Variants in ASS1 observed in about 807,000 individuals in gnomAD.
ASS1 encodes the protein argininosuccinate synthase.
ASS1 carries 58 observed loss-of-function variants against 60.5 expected under a neutral mutation model. The ratio of observed to expected loss-of-function variants is 0.96; its 90% CI spans 0.78 to 1.19. The LOEUF (loss-of-function observed/expected upper bound fraction) is 1.19. Ranked by LOEUF, ASS1 falls within the 50% of genes most tolerant of loss-of-function variation. ASS1 has a pLI of 0.00. For missense variants in ASS1, 454 were observed against 547.3 expected, an observed-to-expected ratio of 0.83 and a Z score of 1.70; for synonymous variants, 200 against 206.9, an observed-to-expected ratio of 0.97 and a Z score of 0.29.
At chr9:130,483,849 A>G (rs1846233879) in intron 11 of ASS1, among the ~76,000 whole-genome samples, 1 of 105,426 alleles carries the variant, frequency 9.5e-6, no homozygotes, top group Admixed American at 9.5e-5. Context: ...CTCTTTGCAC[A>G]TCCTCCTCCC....
intron 11 of ASS1, among the ~76,000 whole-genome samples, chr9:130,487,319 T>C (rs1306267201): frequency 1.3e-5 from 2 of 151,970 alleles, no homozygotes; most frequent in African/African-American, 2.4e-5. Context: ...AGGAAACTTC[T>C]GGTTAGTGCA....
intron 1 of ASS1, among the ~76,000 whole-genome samples, chr9:130,446,445 G>A (rs1369058658): frequency 2.0e-5 from 3 of 152,160 alleles, no homozygotes; most frequent in Admixed American, 6.5e-5. Flanking sequence ...GGGTGGGGGC[G>A]GGACCCTGTC....
intron 8 of ASS1, among the ~76,000 whole-genome samples, chr9:130,475,767 G>A (rs561300191): frequency 4.7e-5 from 7 of 149,130 alleles, no homozygotes; most frequent in Non-Finnish European, 1.0e-4. Flanking sequence ...TTTTTGGTGG[G>A]GGGGTGGGGG....
Position 130,496,945 on chromosome 9 carries a change from C to T in ASS1, c.1127+1922C>T, listed in dbSNP as rs80355335. Reference sequence around the variant, plus strand: ...TGGAGGCTGGTTGGGAATTAAAGTACGAGTCTTGTTTGGCAGTCAATATTA... The same window carrying T: ...TGGAGGCTGGTTGGGAATTAAAGTATGAGTCTTGTTTGGCAGTCAATATTA... On this transcript the variant is annotated intron_variant, in intron 13 of 14. Transcript: ENST00000352480. 5.6e-3 allele frequency among the ~76,000 whole-genome samples: 857 copies of T among 152,364 alleles called. 10 individuals carry two copies. The highest frequency in any genetic ancestry group is 0.019 in the African/African-American group (798 of 41,598).
chr9:130,489,281 C>T lies in ASS1; in HGVS notation c.839-52C>T. On this transcript the variant is annotated intron_variant, in intron 11 of 14. Coordinates refer to ENST00000352480, the MANE Select transcript of ASS1 (RefSeq NM_054012.4). This position sits in a 1 kb window ranked among gnomAD's most constrained non-coding sequence, Gnocchi z 4.1. ...TGTCATTTGCTGACAGTTTGGGTTTCATGCGTTTCTCTCTTTTTTCTCCTT... is the reference window on the plus strand; with the variant it reads ...TGTCATTTGCTGACAGTTTGGGTTTTATGCGTTTCTCTCTTTTTTCTCCTT... The T allele has an allele frequency of 1.2e-6, 2 of 1,603,494 alleles. No homozygotes were observed. The highest frequency in any genetic ancestry group is 1.7e-6 in the Non-Finnish European group (2 of 1,174,290).
rs1413217526 is a variant in ASS1, at chr9:130,477,719, TTTCAGGAGGCTGGAGTGATCAGGG to T, written c.688+759_688+782del. Among the ~76,000 whole-genome samples the T allele has an allele frequency of 6.6e-6, 1 of 152,086 alleles. No homozygotes were observed. The highest frequency in any genetic ancestry group is 1.5e-5 in the Non-Finnish European group (1 of 67,996). On this transcript the variant is annotated intron_variant, in intron 9 of 14. Transcript: ENST00000352480. This position sits in a 1 kb window ranked among gnomAD's most constrained non-coding sequence, Gnocchi z 4.2. ...GCTCAGAGGGCCTGAAGGGGTACCT[TTTCAGGAGGCTGGAGTGATCAGGG>T]AGGCTTCCTGGAGGAGGTGGTGCTG...
intron 3 of ASS1, among the ~76,000 whole-genome samples, chr9:130,457,247 T>C (rs1845468615): frequency 6.6e-6 from 1 of 152,186 alleles, no homozygotes; most frequent in Non-Finnish European, 1.5e-5. Context: ...CGCTATGTGA[T>C]GCCTTGTTTT....
At chr9:130,450,691 A>G (rs1163357343) in intron 1 of ASS1, among the ~76,000 whole-genome samples, 2 of 152,248 alleles carry the variant, frequency 1.3e-5, no homozygotes, top group African/African-American at 4.8e-5. Flanking sequence ...CTACACGGCC[A>G]GGCTCTGCAG....
In ASS1 at chr9:130,449,447, C is replaced by T. The variant is rs75355399; in HGVS notation, c.-5-2777C>T. Among the ~76,000 whole-genome samples the T allele has an allele frequency of 8.6e-3, 1,312 of 152,026 alleles. 19 individuals are homozygous for T. Among genetic ancestry groups the T allele is most frequent in the African/African-American group, 0.029 (1,221 of 41,448 alleles). On this transcript the variant is annotated intron_variant, in intron 1 of 14. Coordinates refer to ENST00000352480, the MANE Select transcript of ASS1 (RefSeq NM_054012.4). Reference sequence around the variant, plus strand: ...AGCTGTTTCTGTGGAGCTGCCCCTCCGTGTTTCTGTGGAGCTGCCTCTCTT... The same window carrying T: ...AGCTGTTTCTGTGGAGCTGCCCCTCTGTGTTTCTGTGGAGCTGCCTCTCTT...
At chr9:130,468,443 ACT>A (rs1233756896) in intron 6 of ASS1, among the ~76,000 whole-genome samples, 4 of 152,016 alleles carry the variant, frequency 2.6e-5, no homozygotes, top group African/African-American at 9.7e-5. Context: ...ACAGTGTCTC[ACT>A]CTGTCACCCA....
chr9:130,472,377 G>A (rs926483282), intron 8 of ASS1, among the ~76,000 whole-genome samples: 14 of 152,144 alleles, frequency 9.2e-5, no homozygotes, highest in African/African-American at 3.4e-4. Flanking sequence ...TCACGCCCGC[G>A]TGCCGCCCCC....
Position 130,449,819 on chromosome 9 carries a change from G to A in ASS1, c.-5-2405G>A, listed in dbSNP as rs1021964379. ...GATGTCACGGGCGCATCCGCACGCC[G>A]AAACTTGCTAAATTGGACACAAAAA... On this transcript the variant is annotated intron_variant, in intron 1 of 14. Transcript: ENST00000352480. Among the ~76,000 whole-genome samples, 5 of 152,134 alleles carry A rather than the reference G, an allele frequency of 3.3e-5. 1 individual carries two copies. Among genetic ancestry groups the A allele is most frequent in the Non-Finnish European group, 5.9e-5 (4 of 68,032 alleles).
chr9:130,470,281 TG>T lies in ASS1; in HGVS notation c.496-550del, dbSNP rs1166635378. 6.6e-6 allele frequency among the ~76,000 whole-genome samples: 1 copy of T among 152,194 alleles called. No homozygotes were observed. The highest frequency in any genetic ancestry group is 2.4e-5 in the African/African-American group (1 of 41,448). Reference sequence around the variant, plus strand: ...CGAGTGCCTTGGAGACGGGATCTGCTGGGTGTTCCCCTTCTAGGGTCTGCAG... The same window carrying T: ...CGAGTGCCTTGGAGACGGGATCTGCTGGTGTTCCCCTTCTAGGGTCTGCAG... On this transcript the variant is annotated intron_variant, in intron 6 of 14. Transcript: ENST00000352480. This position sits in a 1 kb window ranked among gnomAD's most constrained non-coding sequence, Gnocchi z 4.3.
intron 5 of ASS1, among the ~76,000 whole-genome samples, chr9:130,464,692 C>T (rs1353200789): frequency 6.6e-6 from 1 of 152,174 alleles, no homozygotes; most frequent in Non-Finnish European, 1.5e-5. Flanking sequence ...AGGGCCTCAA[C>T]CGCCCTGGCC....
In ASS1 at chr9:130,494,952, C is replaced by T. The variant is rs766889925; in HGVS notation, c.1056C>T (p.Ser352=). The T allele has an allele frequency of 2.5e-5, 40 of 1,613,464 alleles. No homozygotes were observed. In the Admixed American group the frequency reaches 2.5e-4, roughly 10 times the overall value. Residue 352 remains serine, a synonymous_variant, in exon 13 of 15, where the codon TCC becomes TCT. Transcript: ENST00000352480. The surrounding 1 kb of genome is among the most constrained non-coding windows in gnomAD (Gnocchi z 4.3). ...GAGTGGAAGGGAAAGTGCAGGTGTC[C>T]GTCCTCAAGGGCCAGGTGTACATCC... ...QERVEGKVQV[S]VLKGQVYILG...
At position 130,491,176 on chromosome 9, in the gene ASS1, G is replaced by A. The variant is rs1281737404; in HGVS notation, c.970+1712G>A. ...CTTGCAGCTTTGAAGCCAAGTTTCT[G>A]CCCCCGTTCCCAGGGACAGACAGGT... On this transcript the variant is annotated intron_variant, in intron 12 of 14. Coordinates refer to ENST00000352480, the MANE Select transcript of ASS1 (RefSeq NM_054012.4). The surrounding 1 kb of genome is among the most constrained non-coding windows in gnomAD (Gnocchi z 5.3). Among the ~76,000 whole-genome samples, 1 of 152,156 alleles carries A rather than the reference G, an allele frequency of 6.6e-6. No individual in the cohort carries two copies. The highest frequency in any genetic ancestry group is 1.5e-5 in the Non-Finnish European group (1 of 68,020).
At position 130,452,225 on chromosome 9, in the gene ASS1, C is replaced by T. The variant is rs138350285; in HGVS notation, c.-4C>T. On this transcript the variant is annotated splice_region_variant and 5_prime_UTR_variant, in exon 2 of 15. It adds an upstream start codon to the 5' untranslated region. Coordinates refer to ENST00000352480, the MANE Select transcript of ASS1 (RefSeq NM_054012.4). ...AGGTTGTTCCTCGACTCCCGCCAGA[C>T]GCTATGTCCAGCAAAGGCTCCGTGG... The T allele has an allele frequency of 3.1e-4, 495 of 1,614,052 alleles. 3 individuals carry two copies. The Middle Eastern group carries it at 6.6e-3, about 22-fold the overall frequency.
intron 10 of ASS1, 96 bp downstream of exon 10, chr9:130,479,896 A>G (rs1418655949): frequency 1.5e-6 from 2 of 1,339,536 alleles, no homozygotes; most frequent in Non-Finnish European, 1.1e-6. Flanking sequence ...GCTGAGGCTC[A>G]GGGGTGCGGA....
At chr9:130,450,423 A>T in intron 1 of ASS1, 2 of 870,882 alleles carry the variant, frequency 2.3e-6, no homozygotes, top group Non-Finnish European at 2.8e-6. Flanking sequence ...GTTGCCATGG[A>T]TACCACCTGC....
Sources: gnomAD v4.1 joint callset for allele counts (sites outside exome capture counted in the v4.1 genomes callset) on GRCh38, gnomAD v4.1.1 for gene constraint, Gnocchi (gnomAD v3.1) non-coding constraint, MANE v1.5 for transcripts, NCBI Gene and HGNC (gene_info 2026-07-23, HGNC 2026-07-21) for gene names.